The following PALM2AKAP2 variants were observed in gnomAD, a reference collection of about 807,000 sequenced individuals.
PALM2AKAP2 encodes PALM2 and AKAP2 fusion, also known as PALM2-AKAP2 fusion protein.
Under a neutral mutation model 71.5 loss-of-function variants are expected in PALM2AKAP2, and 37 were observed. That is an observed-to-expected ratio of 0.52 (90% CI 0.40 to 0.68). The LOEUF is 0.68. Among genes scored for constraint, PALM2AKAP2 ranks in the 30% least tolerant of loss-of-function variants. The pLI is 0.00. For missense variants in PALM2AKAP2, 1,224 were observed against 1,191.8 expected (o/e 1.03, Z -0.40); for synonymous variants, 468 against 478.8 (o/e 0.98, Z 0.29).
chr9:110,144,034 A>G (rs922092282), intron 2 of PALM2AKAP2, among the ~76,000 whole-genome samples: 1 of 152,236 alleles, frequency 6.6e-6, no homozygotes, highest in Non-Finnish European at 1.5e-5. Flanking sequence ...ATCTGCAAAT[A>G]TCACAAAGGA....
In PALM2AKAP2 at chr9:110,137,780, G is replaced by A. The variant is rs1214780939; in HGVS notation, c.1810G>A (p.Glu604Lys). ...CAATGAGACAACCAATGCCCTCCAG[G>A]AAAATTCACTGGCTGATTTTTCTCT... Residue 604 changes from glutamate (E) to lysine (K), a missense_variant, in exon 2 of 4, where the codon GAA (glutamate) becomes AAA (lysine). Transcript: ENST00000374525. The A allele has an allele frequency of 6.2e-7, 1 of 1,614,100 alleles. No individual in the cohort carries two copies. The highest frequency in any genetic ancestry group is 8.5e-7 in the Non-Finnish European group (1 of 1,179,988).
chr9:110,041,498 C>T (rs745577479), intron 7 of PALM2AKAP2, among the ~76,000 whole-genome samples: 1 of 151,962 alleles, frequency 6.6e-6, no homozygotes, highest in Admixed American at 6.6e-5. Context: ...TAAAGAGGCT[C>T]AAGCAGCTGC....
intron 1 of PALM2AKAP2, among the ~76,000 whole-genome samples, chr9:109,852,319 C>G (rs1163872535): frequency 6.6e-6 from 1 of 152,104 alleles, no homozygotes; most frequent in Non-Finnish European, 1.5e-5. Context: ...CTGTGTGTAC[C>G]CAATGTTTAG....
At chr9:109,811,314 A>G (rs1376091937) in intron 1 of PALM2AKAP2, among the ~76,000 whole-genome samples, 1 of 152,116 alleles carries the variant, frequency 6.6e-6, no homozygotes, top group Non-Finnish European at 1.5e-5. Context: ...GACTGTGGGT[A>G]TGATGATGGT....
At chr9:110,038,270 C>T (rs1833447986) in intron 7 of PALM2AKAP2, among the ~76,000 whole-genome samples, 1 of 152,032 alleles carries the variant, frequency 6.6e-6, no homozygotes, top group Non-Finnish European at 1.5e-5. Context: ...GTCAAGGCTG[C>T]AGTAAGCTGT....
intron 1 of PALM2AKAP2, chr9:109,765,507 CATCATCATCAAT>C (rs918368648): frequency 1.4e-5 from 2 of 146,632 alleles, no homozygotes; most frequent in Admixed American, 1.4e-4. Context: ...TCATCATCAT[CATCATCATCAAT>C]GACATCTGTG....
exon 4 of PALM2AKAP2, chr9:110,171,770 A>C (rs1836862479): frequency 6.6e-6 from 1 of 152,506 alleles, no homozygotes; most frequent in South Asian, 2.1e-4. Flanking sequence ...CTCTTACAAA[A>C]TGTTTAGATT....
intron 6 of PALM2AKAP2, among the ~76,000 whole-genome samples, chr9:109,982,372 A>G (rs1832289074): frequency 6.6e-6 from 1 of 152,190 alleles, no homozygotes; most frequent in Non-Finnish European, 1.5e-5. Flanking sequence ...TATAACTAGA[A>G]TGAATAAGAT....
intron 1 of PALM2AKAP2, among the ~76,000 whole-genome samples, chr9:109,812,967 T>G (rs1423034351): frequency 6.6e-6 from 1 of 152,182 alleles, no homozygotes; most frequent in Non-Finnish European, 1.5e-5. Flanking sequence ...AGCAGTAGGT[T>G]GGGTTACAGA....
At chr9:110,044,332 TTTTC>T (rs1363622172), upstream of PALM2AKAP2, among the ~76,000 whole-genome samples, 583 of 148,510 alleles carry the variant, frequency 3.9e-3, 10 homozygotes, top group African/African-American at 0.014. Flanking sequence ...TGCTTTTTCT[TTTTC>T]TTTCTTTCTT....
chr9:109,941,929 A>G (rs912397973), intron 6 of PALM2AKAP2, among the ~76,000 whole-genome samples: 2 of 152,216 alleles, frequency 1.3e-5, no homozygotes, highest in Non-Finnish European at 2.9e-5. Context: ...TGGGAAAGGT[A>G]TTAATGGAAC....
At chr9:110,076,492 C>CATAT (rs149836822) in intron 1 of PALM2AKAP2, among the ~76,000 whole-genome samples, 2,602 of 106,680 alleles carry the variant, frequency 0.024, 216 homozygotes, top group Non-Finnish European at 0.029. Flanking sequence ...ATATATTCTA[C>CATAT]ATATATATAT....
intron 1 of PALM2AKAP2, among the ~76,000 whole-genome samples, chr9:109,827,991 A>G (rs1488742603): frequency 1.3e-5 from 2 of 152,224 alleles, no homozygotes; most frequent in African/African-American, 2.4e-5. Flanking sequence ...GCCAGCTTTT[A>G]TTGAGTACCT....
intron 1 of PALM2AKAP2, among the ~76,000 whole-genome samples, chr9:109,789,253 G>A (rs1827045774): frequency 6.6e-6 from 1 of 152,188 alleles, no homozygotes; most frequent in African/African-American, 2.4e-5. Flanking sequence ...ATATGATGGT[G>A]TATAGATGAA....
At chr9:109,640,931 CG>C (rs1238522593) in intron 1 of PALM2AKAP2, 7 of 1,469,040 alleles carry the variant, frequency 4.8e-6, no homozygotes, top group African/African-American at 1.5e-5. Flanking sequence ...GTGACCGCGG[CG>C]GCAGGCAGAT....
chr9:110,164,307 G>C (rs751699009), intron 3 of PALM2AKAP2, among the ~76,000 whole-genome samples: 1 of 152,058 alleles, frequency 6.6e-6, no homozygotes, highest in Non-Finnish European at 1.5e-5. Context: ...AATATGAATA[G>C]GGTGATATTA....
chr9:109,942,271 T>A (rs574578300), intron 6 of PALM2AKAP2, among the ~76,000 whole-genome samples: 1 of 152,308 alleles, frequency 6.6e-6, no homozygotes, highest in Admixed American at 6.5e-5. Context: ...AAGAGGTTTT[T>A]TCATTTATTT....
At chr9:109,677,539 G>T (rs533075632) in intron 1 of PALM2AKAP2, among the ~76,000 whole-genome samples, 1 of 151,996 alleles carries the variant, frequency 6.6e-6, no homozygotes, top group Non-Finnish European at 1.5e-5. Context: ...GCAGTGGCGG[G>T]CACCTGTAAT....
chr9:110,035,400 AC>A (rs1833374538), intron 7 of PALM2AKAP2, among the ~76,000 whole-genome samples: 1 of 99,084 alleles, frequency 1.0e-5, no homozygotes, highest in African/African-American at 5.4e-5. Context: ...TAATACATAT[AC>A]GTATATAATA....
Sources: allele counts gnomAD v4.1 joint callset (sites outside exome capture counted in the v4.1 genomes callset), GRCh38; gene constraint gnomAD v4.1.1; transcripts MANE v1.5; gene names NCBI Gene and HGNC (gene_info 2026-07-23, HGNC 2026-07-21).